Variants in CELF2 observed in about 807,000 individuals in gnomAD.
CELF2 encodes CUG triplet repeat RNA-binding protein 2.
Under a neutral mutation model 62.6 loss-of-function variants are expected in CELF2, and 8 were observed. The observed-to-expected ratio is 0.13, with a 90% CI of 0.07 to 0.23. The LOEUF (loss-of-function observed/expected upper bound fraction) is 0.23. Among genes scored for constraint, CELF2 ranks in the 10% least tolerant of loss-of-function variants. The pLI is 1.00. For missense variants in CELF2, 333 were observed against 671.0 expected (o/e 0.50, Z 5.56); for synonymous variants, 258 against 250.0 (o/e 1.03, Z -0.30).
intron 2 of CELF2, among the ~76,000 whole-genome samples, chr10:10,971,034 G>A (rs74547650): frequency 1.1e-4 from 17 of 152,104 alleles, no homozygotes; most frequent in Admixed American, 3.3e-4. Flanking sequence ...CTAGAATTCC[G>A]ATCCTAAAAG....
At chr10:11,251,223 A>G (rs1321575650) in intron 4 of CELF2, among the ~76,000 whole-genome samples, 1 of 148,182 alleles carries the variant, frequency 6.7e-6, no homozygotes, top group Non-Finnish European at 1.5e-5. Flanking sequence ...AATTAGCCAA[A>G]TTGAAAACAT....
chr10:10,790,205 G>A, the CELF2 span, among the ~76,000 whole-genome samples: 31 of 151,678 alleles, frequency 2.0e-4, no homozygotes, highest in Non-Finnish European at 3.4e-4. Context: ...TTTTAAAATC[G>A]TCTATTAGTT....
chr10:11,107,426 G>A (rs2053808124), intron 1 of CELF2, among the ~76,000 whole-genome samples: 1 of 152,132 alleles, frequency 6.6e-6, no homozygotes, highest in African/African-American at 2.4e-5. Flanking sequence ...TCCATGTTTT[G>A]GAGTGCGGTC....
chr10:10,908,282 C>T (rs2063517180), intron 1 of CELF2, among the ~76,000 whole-genome samples: 1 of 122,538 alleles, frequency 8.2e-6, no homozygotes, highest in South Asian at 2.9e-4. Context: ...TGCAGTGGCA[C>T]AATCTTGGCT....
At chr10:11,167,364 TTAG>T (rs2067525241) in intron 2 of CELF2, among the ~76,000 whole-genome samples, 1 of 152,202 alleles carries the variant, frequency 6.6e-6, no homozygotes, top group African/African-American at 2.4e-5. Context: ...AAACTATGCT[TTAG>T]AGAAATAACC....
the CELF2 span, among the ~76,000 whole-genome samples, chr10:10,579,778 T>A: frequency 4.6e-5 from 7 of 152,170 alleles, no homozygotes; most frequent in Admixed American, 2.6e-4. Flanking sequence ...ATGGAATACA[T>A]AAAAGTTCCA....
the CELF2 span, among the ~76,000 whole-genome samples, chr10:10,722,335 T>TAA: frequency 6.7e-6 from 1 of 150,224 alleles, no homozygotes; most frequent in Admixed American, 6.6e-5. Context: ...ATAAAAAACT[T>TAA]AAAAAAAAAC....
At chr10:10,545,494 A>G in the CELF2 span, among the ~76,000 whole-genome samples, 3 of 152,250 alleles carry the variant, frequency 2.0e-5, no homozygotes, top group Admixed American at 6.5e-5. Flanking sequence ...TTTAATGACA[A>G]AGATGCCCCT....
chr10:11,263,096 T>C (rs1027025331), intron 5 of CELF2, among the ~76,000 whole-genome samples: 1 of 152,022 alleles, frequency 6.6e-6, no homozygotes, highest in African/African-American at 2.4e-5. Flanking sequence ...ATCTTCTCTG[T>C]GACAGGGCTA....
Position 11,305,448 on chromosome 10 carries a change from C to G in CELF2, c.977-8691C>G, listed in dbSNP as rs1461343873. On this transcript the variant is annotated intron_variant, in intron 9 of 12. Coordinates refer to ENST00000633077, the MANE Select transcript of CELF2 (RefSeq NM_001326342.2). This position sits in a 1 kb window ranked among gnomAD's most constrained non-coding sequence, Gnocchi z 4.8. ...GGCCTCTGCTTCCTCATCTTTCAAG[C>G]GCAGGAAAGACTCCAGTCTAGTTCA... 6.6e-6 allele frequency among the ~76,000 whole-genome samples: 1 copy of G among 152,218 alleles called. No individual in the cohort carries two copies. Among genetic ancestry groups the G allele is most frequent in the African/African-American group, 2.4e-5 (1 of 41,444 alleles).
chr10:10,768,591 T>A, the CELF2 span, among the ~76,000 whole-genome samples: 3 of 148,386 alleles, frequency 2.0e-5, no homozygotes, highest in African/African-American at 7.6e-5. Context: ...TTTTTTTTTT[T>A]AAGATGGAGT....
chr10:10,664,418 C>G, the CELF2 span, among the ~76,000 whole-genome samples: 2 of 152,052 alleles, frequency 1.3e-5, no homozygotes, highest in African/African-American at 2.4e-5. Context: ...GTGTTTTCAC[C>G]TGGAAAAGTG....
At chr10:11,078,415 T>C (rs1325779513) in intron 1 of CELF2, among the ~76,000 whole-genome samples, 1 of 152,222 alleles carries the variant, frequency 6.6e-6, no homozygotes, top group Non-Finnish European at 1.5e-5. Flanking sequence ...GTTCTACCTA[T>C]AACAGGTGCT....
the CELF2 span, among the ~76,000 whole-genome samples, chr10:10,705,116 T>C: frequency 6.6e-6 from 1 of 152,034 alleles, no homozygotes; most frequent in Non-Finnish European, 1.5e-5. Context: ...AGCGTAGATA[T>C]GTGAGGCTGC....
intron 1 of CELF2, among the ~76,000 whole-genome samples, chr10:11,042,760 C>T (rs2062067201): frequency 6.6e-6 from 1 of 152,324 alleles, no homozygotes; most frequent in South Asian, 2.1e-4. Context: ...TTGCCTGTTA[C>T]ATGTACATTT....
chr10:10,912,660 G>A (rs559609619), intron 1 of CELF2, among the ~76,000 whole-genome samples: 15 of 152,280 alleles, frequency 9.9e-5, no homozygotes, highest in African/African-American at 2.6e-4. Context: ...GTGCCAGTGC[G>A]CCCAGCCAAC....
the CELF2 span, among the ~76,000 whole-genome samples, chr10:10,785,181 C>T: frequency 6.6e-6 from 1 of 152,134 alleles, no homozygotes; most frequent in East Asian, 1.9e-4. Flanking sequence ...ATCAGGGATC[C>T]ATGTAATGCA....
intron 1 of CELF2, among the ~76,000 whole-genome samples, chr10:11,150,305 C>T (rs529404309): frequency 2.6e-5 from 4 of 152,328 alleles, no homozygotes; most frequent in African/African-American, 7.2e-5. Flanking sequence ...TACTTTGTGA[C>T]GCCCCTCCCA....
chr10:10,484,505 C>T, the CELF2 span, among the ~76,000 whole-genome samples: 9 of 149,914 alleles, frequency 6.0e-5, no homozygotes, highest in East Asian at 2.0e-4. Context: ...TTAGTAGAGA[C>T]GGAGTTTCAC....
Sources: allele counts gnomAD v4.1 joint callset (sites outside exome capture counted in the v4.1 genomes callset), GRCh38; gene constraint gnomAD v4.1.1; non-coding constraint Gnocchi (gnomAD v3.1); transcripts MANE v1.5; gene names NCBI Gene and HGNC (gene_info 2026-07-23, HGNC 2026-07-21).